PDSS2: variants seen among roughly 807,000 people sequenced by gnomAD.
The protein encoded by PDSS2 is decaprenyl diphosphate synthase subunit 2.
PDSS2 carries 31 observed loss-of-function variants against 44.5 expected under a neutral mutation model. The observed-to-expected ratio is 0.70, with a 90% CI of 0.52 to 0.94. PDSS2 has a LOEUF of 0.94. Among genes scored for constraint, PDSS2 ranks in the 40% least tolerant of loss-of-function variants. The probability of loss-of-function intolerance (pLI) is 0.00; values close to 1 mark genes in which losing one functional copy is unlikely to be tolerated. For missense variants in PDSS2, 452 were observed against 482.2 expected (o/e 0.94, Z 0.59); for synonymous variants, 157 against 180.3 (o/e 0.87, Z 1.03).
chr6:107,317,952 C>G (rs1005854753), intron 2 of PDSS2, among the ~76,000 whole-genome samples: 3 of 152,178 alleles, frequency 2.0e-5, no homozygotes, highest in Admixed American at 6.5e-5. Flanking sequence ...CCCCCTCCCC[C>G]CAGATAAAGT....
intron 1 of PDSS2, among the ~76,000 whole-genome samples, chr6:107,382,605 G>C (rs559305118): frequency 6.6e-6 from 1 of 152,154 alleles, no homozygotes; most frequent in Non-Finnish European, 1.5e-5. Context: ...GGAAGACCAA[G>C]AACGGGAGGA....
intron 1 of PDSS2, among the ~76,000 whole-genome samples, chr6:107,339,601 A>G (rs980514062): frequency 6.6e-6 from 1 of 152,356 alleles, no homozygotes; most frequent in Admixed American, 6.5e-5. Flanking sequence ...TACAAGGGAA[A>G]AAGAGCAAGA....
chr6:107,413,725 A>G (rs1315102484), intron 1 of PDSS2, among the ~76,000 whole-genome samples: 1 of 152,222 alleles, frequency 6.6e-6, no homozygotes, highest in Non-Finnish European at 1.5e-5. Context: ...TCAGCCTCCC[A>G]AAGTGCTGGG....
At chr6:107,196,135 A>G (rs1772555512) in intron 6 of PDSS2, among the ~76,000 whole-genome samples, 1 of 152,238 alleles carries the variant, frequency 6.6e-6, no homozygotes, top group African/African-American at 2.4e-5. Flanking sequence ...AGAAATTTCA[A>G]AACCAAGCTG....
chr6:107,336,411 C>G (rs1470866948), intron 1 of PDSS2, among the ~76,000 whole-genome samples: 1 of 152,064 alleles, frequency 6.6e-6, no homozygotes, highest in Non-Finnish European at 1.5e-5. Context: ...TGCTTATATT[C>G]TGTCCTTAAC....
intron 2 of PDSS2, among the ~76,000 whole-genome samples, chr6:107,322,947 C>A (rs1445499482): frequency 6.6e-6 from 1 of 152,200 alleles, no homozygotes; most frequent in Non-Finnish European, 1.5e-5. Context: ...GATAACCAAT[C>A]AGAGAATCTG....
At chr6:107,298,526 C>T (rs1776585598) in intron 2 of PDSS2, among the ~76,000 whole-genome samples, 1 of 152,068 alleles carries the variant, frequency 6.6e-6, no homozygotes, top group African/African-American at 2.4e-5. Flanking sequence ...ATTTTGGTAT[C>T]CAAGTGAGAT....
At chr6:107,455,440 C>T (rs550212913) in intron 1 of PDSS2, among the ~76,000 whole-genome samples, 1 of 151,852 alleles carries the variant, frequency 6.6e-6, no homozygotes, top group South Asian at 2.1e-4. Context: ...CACAAAGAAA[C>T]CTCCTTCTGG....
rs1291348169 is a variant in PDSS2 at position 107,210,520 on chromosome 6, C to A, written c.927G>T (p.Met309Ile). 1.9e-6 allele frequency: 3 copies of A among 1,603,590 alleles called. No homozygotes were observed. Among genetic ancestry groups the A allele is most frequent in the Non-Finnish European group, 2.6e-6 (3 of 1,170,802 alleles). Residue 309 changes from methionine to isoleucine, a missense_variant, in exon 6 of 8, where the codon ATG becomes ATT. Met to Ile is a conservative substitution (Grantham distance 10). Coordinates refer to ENST00000369037, the MANE Select transcript of PDSS2 (RefSeq NM_020381.4). ...PFIKEKTSDS[M>I]TFNLNSAPVV... ...CAGGAGCTGAGTTTAGATTAAAAGT[C>A]ATGGAGTCACTGGTCTTTTCTTTAA...
chr6:107,293,304 G>A (rs147165274), intron 2 of PDSS2, among the ~76,000 whole-genome samples: 1 of 152,222 alleles, frequency 6.6e-6, no homozygotes, highest in Non-Finnish European at 1.5e-5. Flanking sequence ...GAAGCAAAAC[G>A]ACTGTCCTAT....
chr6:107,227,277 C>CTTT, intron 4 of PDSS2, among the ~76,000 whole-genome samples: 1 of 64,972 alleles, frequency 1.5e-5, no homozygotes, highest in African/African-American at 7.4e-5. Flanking sequence ...GCCACTGTGC[C>CTTT]CTTTTTTTTT....
At chr6:107,333,598 G>A (rs1420663704) in intron 2 of PDSS2, among the ~76,000 whole-genome samples, 5 of 152,038 alleles carry the variant, frequency 3.3e-5, no homozygotes, top group Non-Finnish European at 5.9e-5. Context: ...GCAGTGACAC[G>A]ATTAGGGCTT....
chr6:107,182,001 A>G (rs1459495840), intron 7 of PDSS2, among the ~76,000 whole-genome samples: 1 of 152,184 alleles, frequency 6.6e-6, no homozygotes, highest in Non-Finnish European at 1.5e-5. Flanking sequence ...ATGATCCACA[A>G]AGGAATAGAG....
chr6:107,168,235 C>G (rs1771426497), intron 7 of PDSS2, among the ~76,000 whole-genome samples: 1 of 152,130 alleles, frequency 6.6e-6, no homozygotes, highest in South Asian at 2.1e-4. Flanking sequence ...TATGTAATGG[C>G]CTTCTTTGTC....
chr6:107,202,736 T>G (rs1243785609), intron 6 of PDSS2, among the ~76,000 whole-genome samples: 1 of 152,146 alleles, frequency 6.6e-6, no homozygotes, highest in Non-Finnish European at 1.5e-5. Context: ...CTGGGAAAGC[T>G]AATCGACTTT....
intron 2 of PDSS2, among the ~76,000 whole-genome samples, chr6:107,298,727 T>C (rs946210251): frequency 6.6e-6 from 1 of 151,998 alleles, no homozygotes; most frequent in Non-Finnish European, 1.5e-5. Context: ...TAGTAAAGAG[T>C]TTGAAATCCA....
At chr6:107,323,670 C>A (rs1450340643) in intron 2 of PDSS2, among the ~76,000 whole-genome samples, 1 of 152,008 alleles carries the variant, frequency 6.6e-6, no homozygotes, top group African/African-American at 2.4e-5. Flanking sequence ...GCTGACTCTG[C>A]CAATAAAATT....
intron 1 of PDSS2, among the ~76,000 whole-genome samples, chr6:107,390,366 A>G (rs1275860094): frequency 6.6e-6 from 1 of 152,146 alleles, no homozygotes; most frequent in Non-Finnish European, 1.5e-5. Context: ...CTGAAAAACC[A>G]TAACCCCAGT....
chr6:107,328,629 T>A (rs1777622307), intron 2 of PDSS2, among the ~76,000 whole-genome samples: 1 of 152,176 alleles, frequency 6.6e-6, no homozygotes, highest in Non-Finnish European at 1.5e-5. Context: ...AAGTTAGGCA[T>A]GCTGATACAG....
Sources: gnomAD v4.1 joint callset for allele counts (sites outside exome capture counted in the v4.1 genomes callset) on GRCh38, gnomAD v4.1.1 for gene constraint, MANE v1.5 for transcripts, NCBI Gene and HGNC (gene_info 2026-07-23, HGNC 2026-07-21) for gene names.